Variants in SLK observed in about 807,000 individuals in gnomAD.
The protein encoded by SLK is STE20-like serine/threonine-protein kinase.
SLK carries 67 observed loss-of-function variants against 147.7 expected under a neutral mutation model. The observed-to-expected ratio is 0.45, with a 90% CI of 0.37 to 0.56. The LOEUF is 0.56. SLK is among the 20% of genes least tolerant of loss of function. The pLI is 0.00. For missense variants in SLK, 1,136 were observed against 1,438.8 expected (o/e 0.79, Z 3.41); for synonymous variants, 441 against 475.0 (o/e 0.93, Z 0.93).
intron 18 of SLK, among the ~76,000 whole-genome samples, 170 bp downstream of exon 18, chr10:104,021,903 A>G (rs1589548509): frequency 1.3e-5 from 2 of 152,048 alleles, no homozygotes; most frequent in East Asian, 3.9e-4. Context: ...AGCAGTTAGG[A>G]ATTGGTAGGG....
rs568337016 is a variant in SLK, at chr10:103,974,655, C to CTTTTTT, written c.150+6768_150+6773dup. On this transcript the variant is annotated intron_variant, in intron 1 of 18. Transcript: ENST00000369755. ...AAAAAAAAAAAGTTCATCTTTTGGC[C>CTTTTTT]TTTTTTTTTTTTTGAGATGGAGTCT... is the stretch of plus-strand genomic sequence containing the variant. 8.3e-4 allele frequency: 25 copies of CTTTTTT among 30,178 alleles called. 9 individuals are homozygous for CTTTTTT. The highest frequency in any genetic ancestry group is 2.0e-3 in the African/African-American group (23 of 11,532). 1.9% of individuals were successfully genotyped at this position (30,178 alleles called of 1,614,324 possible).
chr10:103,994,415 T>A (rs951174004), intron 4 of SLK, among the ~76,000 whole-genome samples: 6 of 152,202 alleles, frequency 3.9e-5, no homozygotes, highest in South Asian at 4.1e-4. Flanking sequence ...TCACCCAGTA[T>A]TCATCTCTAG....
chr10:104,017,212 A>G (rs1844475627), intron 13 of SLK, among the ~76,000 whole-genome samples: 1 of 152,256 alleles, frequency 6.6e-6, no homozygotes, highest in Non-Finnish European at 1.5e-5. Flanking sequence ...AAACATGTTT[A>G]TAGAATTCTG....
chr10:104,025,638 A>G lies in SLK; in HGVS notation c.3626A>G (p.Glu1209Gly), dbSNP rs1844588162. 1.2e-6 allele frequency: 2 copies of G among 1,613,318 alleles called. No individual in the cohort carries two copies. The highest frequency in any genetic ancestry group is 1.7e-6 in the Non-Finnish European group (2 of 1,179,358). ...EQEVFFKMTG[E>G]SECLNPSTQS... ...GAAGTATTCTTTAAAATGACTGGGG[A>G]GTCTGAATGCCTTAACCCATCAACA... Residue 1209 changes from glutamate to glycine, a missense_variant, in exon 19 of 19, where the codon GAG (glutamate) becomes GGG (glycine). Around this residue, in one of 6 missense-constraint regions of SLK, gnomAD observed 327 missense variants for 457.5 expected, o/e 0.71. Transcript: ENST00000369755.
chr10:104,007,620 CAAACAA>C (rs1844343970), intron 11 of SLK, among the ~76,000 whole-genome samples: 1 of 134,930 alleles, frequency 7.4e-6, no homozygotes, highest in Non-Finnish European at 1.6e-5. Flanking sequence ...AAAGAAAAAA[CAAACAA>C]AAACAGAAAA....
chr10:103,994,858 G>A (rs1269878631), intron 4 of SLK, among the ~76,000 whole-genome samples: 1 of 152,188 alleles, frequency 6.6e-6, no homozygotes, highest in East Asian at 1.9e-4. Context: ...CAGTTTGGCA[G>A]ATGAATCCAA....
intron 9 of SLK, among the ~76,000 whole-genome samples, chr10:104,004,321 G>A (rs531220069): frequency 5.2e-4 from 79 of 152,146 alleles, no homozygotes; most frequent in Middle Eastern, 6.8e-3. Context: ...TCTTTTTTCA[G>A]TTTACTTTCT....
At chr10:103,976,584 TA>T (rs879848971) in intron 1 of SLK, among the ~76,000 whole-genome samples, 3,702 of 146,250 alleles carry the variant, frequency 0.025, 138 homozygotes, top group African/African-American at 0.085. Flanking sequence ...TTTGCCCAAT[TA>T]AAAAAAAAAA....
intron 2 of SLK, among the ~76,000 whole-genome samples, chr10:103,991,801 T>C (rs955722028): frequency 6.6e-6 from 1 of 151,982 alleles, no homozygotes; most frequent in Non-Finnish European, 1.5e-5. Flanking sequence ...AAATTATAGT[T>C]ATTATTAATG....
rs1286673547 is a variant in SLK at position 104,027,581 on chromosome 10, T to C, written c.*1861T>C. ...TGTTATGATAAAAATGACAGTATAA[T>C]GTTGCCCAGTGTATTTAATGATTTA... On this transcript the variant is annotated 3_prime_UTR_variant, in exon 19 of 19. Transcript: ENST00000369755. The C allele has an allele frequency of 6.6e-6, 1 of 152,604 alleles. No individual in the cohort carries two copies. Among genetic ancestry groups the C allele is most frequent in the Non-Finnish European group, 1.5e-5 (1 of 68,042 alleles). 9.5% of individuals were successfully genotyped at this position (152,604 alleles called of 1,614,324 possible). A position where few individuals can be genotyped will look rare whatever the true frequency, so the allele number is the denominator to read the frequency against.
intron 4 of SLK, among the ~76,000 whole-genome samples, chr10:103,993,769 A>AT: frequency 6.6e-6 from 1 of 152,358 alleles, no homozygotes; most frequent in South Asian, 2.1e-4. Context: ...GATGAAGTCC[A>AT]AATTTGTATA....
chr10:103,997,188 T>C (rs1844186116), intron 4 of SLK, among the ~76,000 whole-genome samples: 1 of 152,214 alleles, frequency 6.6e-6, no homozygotes, highest in Non-Finnish European at 1.5e-5. Flanking sequence ...TTTGTCCTTT[T>C]GTGACTGGCG....
At chr10:103,972,596 C>T (rs113337309) in intron 1 of SLK, among the ~76,000 whole-genome samples, 4,441 of 150,746 alleles carry the variant, frequency 0.029, 151 homozygotes, top group African/African-American at 0.088. Flanking sequence ...GGCGTGAACC[C>T]GGGAGGAGGA....
chr10:103,980,949 G>A (rs1017751929), intron 1 of SLK, among the ~76,000 whole-genome samples: 5 of 152,082 alleles, frequency 3.3e-5, no homozygotes, highest in Admixed American at 2.6e-4. Context: ...ATCGATTTGT[G>A]CACAAGAGTT....
chr10:103,990,965 A>G, intron 2 of SLK, 126 bp downstream of exon 2: 1 of 464,098 alleles, frequency 2.2e-6, no homozygotes. Flanking sequence ...TGTCACTTGA[A>G]TGAGAGTTGA....
intron 4 of SLK, among the ~76,000 whole-genome samples, chr10:103,997,487 T>G (rs1844190265): frequency 1.3e-5 from 2 of 152,186 alleles, no homozygotes; most frequent in Non-Finnish European, 2.9e-5. Flanking sequence ...TTAATTTTTT[T>G]GAGGGACCAC....
At chr10:104,016,437 G>A (rs1200543485) in intron 13 of SLK, among the ~76,000 whole-genome samples, 1 of 152,068 alleles carries the variant, frequency 6.6e-6, no homozygotes, top group Non-Finnish European at 1.5e-5. Flanking sequence ...AGATAGGCTT[G>A]GAGATTTTGC....
chr10:104,018,220 C>T lies in SLK; in HGVS notation c.2938C>T (p.Gln980Ter), dbSNP rs1433528933. The part of the protein sequence containing the change: ...ELDGSLKKII[Q>*]QQKAELANIE... ...AGATGGCTCTCTGAAAAAGATCATC[C>T]AGCAGCAGAAGGCAGAGTTAGCTAA... The change falls in exon 14 of 19, where the codon CAG (glutamine) becomes TAG (stop). Residue 980 changes from glutamine (Q) to a stop codon, truncating the protein, a stop_gained. Transcript: ENST00000369755. LOFTEE classifies it high-confidence loss of function. 2 of 1,607,244 alleles carry T rather than the reference C, an allele frequency of 1.2e-6. No individual in the cohort carries two copies. Among genetic ancestry groups the T allele is most frequent in the African/African-American group, 1.3e-5 (1 of 74,382 alleles).
In SLK at chr10:104,001,514, CAGA is replaced by C. The variant is rs764275244; in HGVS notation, c.941_943del (p.Glu314del). On this transcript the variant is annotated inframe_deletion, in exon 8 of 19. Coordinates refer to ENST00000369755, the MANE Select transcript of SLK (RefSeq NM_014720.4). Reference sequence around the variant, plus strand: ...ATTGCAGAGGCGAAGGCTGAAGTAACAGAAGAAGTTGAAGATGGCAAAGAGGAA... The same window carrying C: ...ATTGCAGAGGCGAAGGCTGAAGTAACAGAAGTTGAAGATGGCAAAGAGGAA... 8.1e-6 allele frequency: 13 copies of C among 1,613,796 alleles called. No homozygotes were observed. Among genetic ancestry groups the C allele is most frequent in the Non-Finnish European group, 1.1e-5 (13 of 1,179,860 alleles).
Sources: allele counts gnomAD v4.1 joint callset (sites outside exome capture counted in the v4.1 genomes callset), GRCh38; gene constraint gnomAD v4.1.1; regional missense constraint gnomAD v4.1.1; transcripts MANE v1.5; gene names NCBI Gene and HGNC (gene_info 2026-07-23, HGNC 2026-07-21).